Variants in IQSEC1 observed in about 807,000 individuals in gnomAD.
IQSEC1 encodes the protein IQ motif and Sec7 domain ArfGEF 1.
IQSEC1 carries 31 observed loss-of-function variants against 91.0 expected under a neutral mutation model. That is an observed-to-expected ratio of 0.34 (90% CI 0.26 to 0.46). The LOEUF (loss-of-function observed/expected upper bound fraction) is 0.46. IQSEC1 is among the 20% of genes least tolerant of loss of function. The pLI is 1.00. For synonymous variants in IQSEC1, 699 were observed against 662.6 expected, an observed-to-expected ratio of 1.05 and a Z score of -0.84; for missense variants, 1,388 against 1,575.6, an observed-to-expected ratio of 0.88 and a Z score of 2.02.
At chr3:13,201,973 A>C (rs1694253478) in intron 1 of IQSEC1, among the ~76,000 whole-genome samples, 1 of 152,238 alleles carries the variant, frequency 6.6e-6, no homozygotes. Flanking sequence ...GGAGTACTTT[A>C]AAAGAAATAC....
At chr3:12,956,910 T>A (rs533707409) in intron 1 of IQSEC1, among the ~76,000 whole-genome samples, 12 of 152,236 alleles carry the variant, frequency 7.9e-5, no homozygotes, top group Non-Finnish European at 2.9e-5. Flanking sequence ...AACGGGAGCG[T>A]GGGAATCGAG....
chr3:13,206,243 A>G (rs1351352823), intron 1 of IQSEC1, among the ~76,000 whole-genome samples: 1 of 139,658 alleles, frequency 7.2e-6, no homozygotes, highest in Non-Finnish European at 1.5e-5. Flanking sequence ...AACATCATGT[A>G]TATAGGGTGT....
Position 12,915,665 on chromosome 3 carries a change from C to G in IQSEC1, c.2089G>C (p.Glu697Gln), listed in dbSNP as rs1387907971. 1.2e-6 allele frequency: 2 copies of G among 1,614,178 alleles called. No individual in the cohort carries two copies. The highest frequency in any genetic ancestry group is 1.7e-6 in the Non-Finnish European group (2 of 1,180,010). The change falls in exon 7 of 14, where the codon GAG (glutamate) becomes CAG (glutamine). Residue 697 changes from glutamate (E) to glutamine (Q), a missense_variant. Glu to Gln is a conservative substitution (Grantham distance 29, BLOSUM62 2). Transcript: ENST00000613206. The stretch of plus-strand genomic sequence containing the variant: ...ACATGGTCCTCATTGGTCTTTAGCT[C>G]TCGCTTACGGATCCGTTCATAGATC... Reference protein sequence around the residue: ...MGIYERIRKRELKTNEDHVSQ... With the variant: ...MGIYERIRKRQLKTNEDHVSQ...
chr3:12,941,540 A>G (rs1266845407), intron 2 of IQSEC1, 31 bp downstream of exon 2: 8 of 1,517,340 alleles, frequency 5.3e-6, no homozygotes. Flanking sequence ...CTGCGCTTGC[A>G]TGTGTGGCCT....
rs949761161 is a variant in IQSEC1, at chr3:13,259,958, G to C, written c.272+22753C>G. 7.9e-5 allele frequency among the ~76,000 whole-genome samples: 12 copies of C among 152,250 alleles called. No individual in the cohort carries two copies. The highest frequency in any genetic ancestry group is 1.8e-4 in the Non-Finnish European group (12 of 68,046). On this transcript the variant is annotated intron_variant, in intron 1 of 15. Coordinates refer to the IQSEC1 transcript ENST00000648114. The surrounding 1 kb of genome is among the most constrained non-coding windows in gnomAD (Gnocchi z 4.6). ...TCTGCTTTCAAAATATGACTAATTA[G>C]AACAGTCGTGCTGGCAGGCAGACTT...
intron 2 of IQSEC1, among the ~76,000 whole-genome samples, chr3:13,084,529 G>A (rs1705703476): frequency 6.6e-6 from 1 of 152,222 alleles, no homozygotes; most frequent in Non-Finnish European, 1.5e-5. Context: ...ACCGTCCAGT[G>A]GAGGAGACGG....
chr3:12,916,447 G>A (rs535699327), intron 6 of IQSEC1, among the ~76,000 whole-genome samples: 1 of 152,244 alleles, frequency 6.6e-6, no homozygotes, highest in African/African-American at 2.4e-5. Flanking sequence ...TGTGAGCAGA[G>A]AAACAGCCTT....
At chr3:12,964,319 C>A (rs961430758) in intron 1 of IQSEC1, among the ~76,000 whole-genome samples, 9 of 152,014 alleles carry the variant, frequency 5.9e-5, no homozygotes, top group African/African-American at 2.2e-4. Context: ...CACACACACA[C>A]ACACACATGC....
intron 6 of IQSEC1, among the ~76,000 whole-genome samples, chr3:12,920,133 G>T (rs1696484300): frequency 6.6e-6 from 1 of 152,202 alleles, no homozygotes; most frequent in African/African-American, 2.4e-5. Flanking sequence ...AAAGAAAAAG[G>T]CCAGTTTCAT....
At chr3:12,931,781 G>A (rs1697698513) in intron 3 of IQSEC1, among the ~76,000 whole-genome samples, 1 of 152,202 alleles carries the variant, frequency 6.6e-6, no homozygotes, top group South Asian at 2.1e-4. Context: ...CTGGGCCCCA[G>A]GGGCTGGGCG....
rs2125596507 is a variant in IQSEC1 at position 12,983,804 on chromosome 3, C to T, written c.24-41939G>A. 6.6e-6 allele frequency among the ~76,000 whole-genome samples: 1 copy of T among 152,300 alleles called. No homozygotes were observed. Among genetic ancestry groups the T allele is most frequent in the South Asian group, 2.1e-4 (1 of 4,824 alleles). On this transcript the variant is annotated intron_variant, in intron 1 of 13. Transcript: ENST00000613206. The surrounding 1 kb of genome is among the most constrained non-coding windows in gnomAD (Gnocchi z 4.3). ...CCGACATACCCCACTTATGCCCAGC[C>T]TCAGCACGGCGCCTGGCACAACTAG...
chr3:13,019,001 C>A (rs116057097), intron 1 of IQSEC1, among the ~76,000 whole-genome samples: 5 of 152,356 alleles, frequency 3.3e-5, no homozygotes, highest in African/African-American at 9.6e-5. Context: ...CAGCCATGCA[C>A]CCTGCTGGAT....
At chr3:13,029,171 G>T (rs1703745330) in intron 1 of IQSEC1, among the ~76,000 whole-genome samples, 1 of 152,200 alleles carries the variant, frequency 6.6e-6, no homozygotes, top group African/African-American at 2.4e-5. Context: ...AACTTCCAGG[G>T]TGACACAGCT....
chr3:13,141,994 G>A lies in IQSEC1; in HGVS notation c.302+22110C>T, dbSNP rs190196149. ...GCAACCACACAGGAACTTATAGCCT[G>A]GGGTTCATGTAGCCATAGAAGGGCC... On this transcript the variant is annotated intron_variant, in intron 2 of 15. Coordinates refer to the IQSEC1 transcript ENST00000648114. Among the ~76,000 whole-genome samples the A allele has an allele frequency of 1.1e-4, 17 of 152,292 alleles. No individual in the cohort carries two copies. The East Asian group carries it at 3.3e-3, about 29-fold the overall frequency.
intron 1 of IQSEC1, among the ~76,000 whole-genome samples, chr3:12,962,630 C>T (rs956906487): frequency 6.6e-6 from 1 of 152,260 alleles, no homozygotes; most frequent in African/African-American, 2.4e-5. Context: ...CTGTCATGTT[C>T]GCATGGGTCC....
intron 2 of IQSEC1, among the ~76,000 whole-genome samples, chr3:13,155,851 A>AG (rs964859073): frequency 6.6e-6 from 1 of 152,168 alleles, no homozygotes; most frequent in African/African-American, 2.4e-5. Context: ...CAGAATTAAG[A>AG]GGAAAAAAAA....
chr3:13,177,842 A>G (rs1224121471), intron 1 of IQSEC1, among the ~76,000 whole-genome samples: 1 of 152,210 alleles, frequency 6.6e-6, no homozygotes, highest in African/African-American at 2.4e-5. Flanking sequence ...CAGCCTGGGA[A>G]GGCAGGGGCC....
intron 1 of IQSEC1, among the ~76,000 whole-genome samples, chr3:13,267,838 C>T (rs973467570): frequency 3.9e-5 from 6 of 151,984 alleles, no homozygotes; most frequent in Admixed American, 6.5e-5. Flanking sequence ...AGGATGGTCT[C>T]GATCTCCTGA....
chr3:13,096,306 G>A lies in IQSEC1; in HGVS notation c.303-48784C>T, dbSNP rs1007302818. Among the ~76,000 whole-genome samples, 4 of 152,262 alleles carry A rather than the reference G, an allele frequency of 2.6e-5. No homozygotes were observed. The South Asian group carries it at 6.2e-4, about 24-fold the overall frequency. On this transcript the variant is annotated intron_variant, in intron 2 of 15. Coordinates refer to the IQSEC1 transcript ENST00000648114. ...GCTCACAGTCTTGGAGGTGGGGCAT[G>A]TGGGGGACAGGCCTCTAAGTGATCT...
Sources: gnomAD v4.1 joint callset for allele counts (sites outside exome capture counted in the v4.1 genomes callset) on GRCh38, gnomAD v4.1.1 for gene constraint, Gnocchi (gnomAD v3.1) non-coding constraint, MANE v1.5 for transcripts, NCBI Gene and HGNC (gene_info 2026-07-23, HGNC 2026-07-21) for gene names.